KLHL1: variants seen among roughly 807,000 people sequenced by gnomAD.
KLHL1 encodes kelch like family member 1, also known as kelch-like protein 1.
A neutral mutation model predicts 77.7 loss-of-function variants in KLHL1; 47 were observed. That is an observed-to-expected ratio of 0.60 (90% confidence interval 0.48 to 0.77). KLHL1 has a LOEUF of 0.77. KLHL1 is among the 30% of genes least tolerant of loss of function. The pLI is 0.00. For synonymous variants in KLHL1, 360 were observed against 325.2 expected (o/e 1.11, Z -1.15); for missense variants, 925 against 910.8 (o/e 1.02, Z -0.20).
At chr13:69,829,282 C>G (rs1878668607) in intron 6 of KLHL1, among the ~76,000 whole-genome samples, 1 of 149,800 alleles carries the variant, frequency 6.7e-6, no homozygotes, top group African/African-American at 2.5e-5. Context: ...ACAGACACTC[C>G]CCAGTACCAC....
intron 4 of KLHL1, among the ~76,000 whole-genome samples, chr13:69,888,882 T>C (rs1881319340): frequency 6.6e-6 from 1 of 152,002 alleles, no homozygotes; most frequent in Admixed American, 6.6e-5. Context: ...CTATTTCCCA[T>C]CTTTAAAATA....
intron 3 of KLHL1, among the ~76,000 whole-genome samples, chr13:69,944,221 C>G (rs2210451): frequency 0.14 from 21,041 of 152,076 alleles, 2,397 homozygotes; most frequent in African/African-American, 0.29. Flanking sequence ...GTGTTAGATG[C>G]AGGCCTATGC....
intron 5 of KLHL1, among the ~76,000 whole-genome samples, chr13:69,848,617 C>T (rs1879565645): frequency 6.6e-6 from 1 of 151,418 alleles, no homozygotes; most frequent in African/African-American, 2.4e-5. Flanking sequence ...AAATCATTTT[C>T]CATGGCTGTC....
chr13:69,960,050 A>C (rs1884015395), intron 3 of KLHL1, among the ~76,000 whole-genome samples: 1 of 151,702 alleles, frequency 6.6e-6, no homozygotes, highest in Admixed American at 6.6e-5. Context: ...TAAGACCAAA[A>C]AATGTCTAAG....
At chr13:69,815,957 A>G (rs1403084878) in intron 6 of KLHL1, among the ~76,000 whole-genome samples, 6 of 152,184 alleles carry the variant, frequency 3.9e-5, no homozygotes, top group African/African-American at 1.4e-4. Flanking sequence ...GAAATATGAA[A>G]AGGCTATATT....
chr13:70,107,803 G>T lies in KLHL1; in HGVS notation c.-104C>A. The T allele has an allele frequency of 1.2e-6, 1 of 838,520 alleles. No individual in the cohort carries two copies. Among genetic ancestry groups the T allele is most frequent in the Admixed American group, 3.1e-5 (1 of 32,776 alleles). 51.9% of individuals were successfully genotyped at this position (838,520 alleles called of 1,614,324 possible). A position where few individuals can be genotyped will look rare whatever the true frequency, so the allele number is the denominator to read the frequency against. On this transcript the variant is annotated 5_prime_UTR_variant, in exon 1 of 11. Transcript: ENST00000377844. Reference sequence around the variant, plus strand: ...CCGGGGGCGGAGGAAGAGGCGGGATGCGCCCTCTGCACCCCTAGAGCCAGA... The same window carrying T: ...CCGGGGGCGGAGGAAGAGGCGGGATTCGCCCTCTGCACCCCTAGAGCCAGA...
At chr13:69,766,040 A>G (rs1476476276) in intron 7 of KLHL1, among the ~76,000 whole-genome samples, 2 of 152,360 alleles carry the variant, frequency 1.3e-5, no homozygotes, top group African/African-American at 2.4e-5. Context: ...AATCTTCAGC[A>G]ATCTCTATTA....
intron 5 of KLHL1, among the ~76,000 whole-genome samples, chr13:69,841,587 C>T (rs978095571): frequency 2.6e-5 from 4 of 151,774 alleles, no homozygotes; most frequent in Non-Finnish European, 5.9e-5. Flanking sequence ...AAATCCCATG[C>T]TCACAGATCA....
intron 1 of KLHL1, among the ~76,000 whole-genome samples, chr13:69,992,443 TAC>T (rs1247715622): frequency 6.6e-6 from 1 of 151,964 alleles, no homozygotes; most frequent in Non-Finnish European, 1.5e-5. Flanking sequence ...TGAATTTGCA[TAC>T]AGATTGTATA....
At chr13:69,896,059 A>G (rs1187553378) in intron 4 of KLHL1, among the ~76,000 whole-genome samples, 3 of 151,818 alleles carry the variant, frequency 2.0e-5, no homozygotes, top group Non-Finnish European at 4.4e-5. Context: ...ATTTGCTTCT[A>G]TGTGATTATA....
At chr13:70,094,223 G>A (rs1423908147) in intron 1 of KLHL1, among the ~76,000 whole-genome samples, 7 of 151,936 alleles carry the variant, frequency 4.6e-5, no homozygotes, top group Admixed American at 6.6e-5. Context: ...GCAGCTACTC[G>A]GCTGAGGTGG....
intron 9 of KLHL1, among the ~76,000 whole-genome samples, chr13:69,709,872 A>T (rs994015325): frequency 6.8e-6 from 1 of 147,642 alleles, no homozygotes; most frequent in Non-Finnish European, 1.5e-5. Flanking sequence ...TTGGCAGAAA[A>T]TTTTTCTAGT....
intron 7 of KLHL1, among the ~76,000 whole-genome samples, chr13:69,758,931 T>G (rs569940877): frequency 6.6e-6 from 1 of 152,200 alleles, no homozygotes; most frequent in East Asian, 1.9e-4. Context: ...TTGCTGAAAA[T>G]AAGTTTGAAA....
intron 5 of KLHL1, among the ~76,000 whole-genome samples, chr13:69,868,122 C>T (rs1406366596): frequency 6.6e-6 from 1 of 151,976 alleles, no homozygotes; most frequent in African/African-American, 2.4e-5. Context: ...TGATTAAATA[C>T]TTGACTTTGG....
intron 9 of KLHL1, 107 bp from the exon 10 acceptor site, chr13:69,707,903 T>A: frequency 2.4e-6 from 2 of 837,324 alleles, no homozygotes; most frequent in Non-Finnish European, 3.6e-6. Flanking sequence ...AACTACCTTT[T>A]TTTTTCTCTA....
rs1278610141 is a variant in KLHL1 at position 69,858,555 on chromosome 13, T to C, written c.1228-19393A>G. Among the ~76,000 whole-genome samples the C allele has an allele frequency of 5.3e-5, 8 of 152,102 alleles. No individual in the cohort carries two copies. In the South Asian group the frequency reaches 1.7e-3, roughly 32 times the overall value. Reference sequence around the variant, plus strand: ...ATTTAATTAGTTGTTGAAATGAACATTTATCATGTTCCTGCCCATGATTTG... The same window carrying C: ...ATTTAATTAGTTGTTGAAATGAACACTTATCATGTTCCTGCCCATGATTTG... On this transcript the variant is annotated intron_variant, in intron 5 of 10. Transcript: ENST00000377844.
chr13:69,743,821 A>G (rs960996829), intron 7 of KLHL1, among the ~76,000 whole-genome samples: 1 of 91,484 alleles, frequency 1.1e-5, no homozygotes, highest in Non-Finnish European at 2.1e-5. Flanking sequence ...AAACAAAAAA[A>G]CAGAAAAAAA....
At chr13:69,794,130 C>A (rs1876996291) in intron 7 of KLHL1, among the ~76,000 whole-genome samples, 2 of 152,078 alleles carry the variant, frequency 1.3e-5, no homozygotes, top group South Asian at 2.1e-4. Context: ...TTAAGGCATC[C>A]ACAGATAAGA....
At chr13:69,871,731 T>A (rs979900067) in intron 5 of KLHL1, among the ~76,000 whole-genome samples, 3 of 151,982 alleles carry the variant, frequency 2.0e-5, no homozygotes, top group Non-Finnish European at 4.4e-5. Flanking sequence ...GCCAACTTTT[T>A]TTTTTTTTTT....
Sources: allele counts gnomAD v4.1 joint callset (sites outside exome capture counted in the v4.1 genomes callset), GRCh38; gene constraint gnomAD v4.1.1; transcripts MANE v1.5; gene names NCBI Gene and HGNC (gene_info 2026-07-23, HGNC 2026-07-21).